Variants in GLG1 observed in about 807,000 individuals in gnomAD.
GLG1 encodes Golgi apparatus protein 1.
In GLG1, 38 loss-of-function variants were observed where a neutral mutation model predicts 160.5. That is an observed-to-expected ratio of 0.24 (90% confidence interval 0.18 to 0.31). The LOEUF (loss-of-function observed/expected upper bound fraction) is 0.31. Among genes scored for constraint, GLG1 ranks in the 10% least tolerant of loss-of-function variants. The probability of loss-of-function intolerance (pLI) is 1.00; values close to 1 mark genes in which losing one functional copy is unlikely to be tolerated. For synonymous variants in GLG1, 644 were observed against 543.4 expected, an observed-to-expected ratio of 1.19 and a Z score of -2.57; for missense variants, 1,373 against 1,505.2, an observed-to-expected ratio of 0.91 and a Z score of 1.45.
Position 74,519,295 on chromosome 16 carries a change from T to C in GLG1, c.472-10370A>G, listed in dbSNP as rs997240302. 4.9e-5 allele frequency among the ~76,000 whole-genome samples: 6 copies of C among 123,074 alleles called. No individual in the cohort carries two copies. The Admixed American group carries it at 6.1e-4, about 13-fold the overall frequency. 80.7% of individuals were successfully genotyped at this position (123,074 alleles called of 152,430 possible). Reference sequence around the variant, plus strand: ...GTGGTAGTTGAACAATGACAACACATGGTCACAGGGAGGGGAACATCACAC... The same window carrying C: ...GTGGTAGTTGAACAATGACAACACACGGTCACAGGGAGGGGAACATCACAC... On this transcript the variant is annotated intron_variant, in intron 2 of 25. Coordinates refer to ENST00000422840, the MANE Select transcript of GLG1 (RefSeq NM_001145667.2).
At chr16:74,454,842 C>T (rs2014471182) in intron 25 of GLG1, among the ~76,000 whole-genome samples, 1 of 151,208 alleles carries the variant, frequency 6.6e-6, no homozygotes, top group Non-Finnish European at 1.5e-5. Context: ...TGTATTTTGA[C>T]TTTTTTCATT....
intron 9 of GLG1, among the ~76,000 whole-genome samples, chr16:74,485,421 A>C (rs550302136): frequency 6.6e-6 from 1 of 152,346 alleles, no homozygotes; most frequent in South Asian, 2.1e-4. Context: ...GTATACAATG[A>C]GTCAATATAC....
At chr16:74,488,202 G>A (rs550702836) in intron 8 of GLG1, among the ~76,000 whole-genome samples, 14 of 151,970 alleles carry the variant, frequency 9.2e-5, no homozygotes, top group Non-Finnish European at 7.4e-5. Context: ...GTCAACCACA[G>A]ACAGGTATGG....
chr16:74,557,094 C>A (rs952355553), intron 1 of GLG1, among the ~76,000 whole-genome samples: 3 of 152,086 alleles, frequency 2.0e-5, no homozygotes, highest in Non-Finnish European at 4.4e-5. Context: ...TTCAACAGCA[C>A]CCCTAATTGG....
chr16:74,467,893 G>A (rs773302145), intron 17 of GLG1, 45 bp from the exon 18 acceptor site: 2 of 1,277,812 alleles, frequency 1.6e-6, no homozygotes, highest in Non-Finnish European at 1.1e-6. Flanking sequence ...GGTTTAGGCT[G>A]GAGATGTCAT....
chr16:74,600,227 G>T (rs536912470), intron 1 of GLG1, among the ~76,000 whole-genome samples: 1 of 151,854 alleles, frequency 6.6e-6, no homozygotes, highest in Non-Finnish European at 1.5e-5. Flanking sequence ...ATGAGTTCAC[G>T]TATATTTCCG....
chr16:74,468,843 TC>T, intron 17 of GLG1, 102 bp downstream of exon 17: 1 of 742,690 alleles, frequency 1.3e-6, no homozygotes, highest in South Asian at 1.5e-5. Flanking sequence ...GTCTTAACCA[TC>T]ACAGTAGTGG....
intron 12 of GLG1, among the ~76,000 whole-genome samples, chr16:74,477,174 A>G (rs1194121614): frequency 6.6e-6 from 1 of 152,176 alleles, no homozygotes; most frequent in Non-Finnish European, 1.5e-5. Flanking sequence ...ACAAAATACA[A>G]TAACTATAAT....
chr16:74,509,962 C>G (rs576953003), intron 2 of GLG1, among the ~76,000 whole-genome samples: 2 of 151,972 alleles, frequency 1.3e-5, no homozygotes, highest in East Asian at 1.9e-4. Flanking sequence ...GCTGGGATTA[C>G]AAGTGCGAGC....
intron 1 of GLG1, among the ~76,000 whole-genome samples, chr16:74,589,277 T>C (rs539680881): frequency 6.6e-6 from 1 of 151,288 alleles, no homozygotes; most frequent in African/African-American, 2.4e-5. Flanking sequence ...AAAGAACAAT[T>C]ATGTTAAACC....
At chr16:74,496,183 G>A (rs886480166) in intron 5 of GLG1, among the ~76,000 whole-genome samples, 2 of 151,892 alleles carry the variant, frequency 1.3e-5, no homozygotes, top group African/African-American at 2.4e-5. Flanking sequence ...CAGAAGAATC[G>A]CTTGAACCCA....
intron 1 of GLG1, among the ~76,000 whole-genome samples, chr16:74,595,249 T>G (rs957619967): frequency 1.3e-5 from 2 of 150,952 alleles, no homozygotes; most frequent in African/African-American, 4.9e-5. Context: ...TTAAAAGTAC[T>G]GAAGGGCTCT....
intron 11 of GLG1, among the ~76,000 whole-genome samples, chr16:74,478,423 G>A (rs970491527): frequency 2.0e-5 from 3 of 152,056 alleles, no homozygotes; most frequent in African/African-American, 7.2e-5. Flanking sequence ...TGACAAAGCT[G>A]TTATTGACAG....
intron 9 of GLG1, 46 bp downstream of exon 9, chr16:74,485,750 C>A: frequency 6.4e-7 from 1 of 1,564,352 alleles, no homozygotes; most frequent in South Asian, 1.2e-5. Context: ...CCTGTGCTGC[C>A]AAATGAAATA....
At chr16:74,536,407 A>G (rs2017689173) in intron 1 of GLG1, among the ~76,000 whole-genome samples, 1 of 152,204 alleles carries the variant, frequency 6.6e-6, no homozygotes, top group South Asian at 2.1e-4. Flanking sequence ...CAACAAGTAT[A>G]TATTGAATAA....
At chr16:74,567,121 G>A (rs1208127588) in intron 1 of GLG1, among the ~76,000 whole-genome samples, 5 of 151,586 alleles carry the variant, frequency 3.3e-5, no homozygotes, top group Admixed American at 2.6e-4. Flanking sequence ...ATTTTCTATA[G>A]GAGAAAATCT....
intron 12 of GLG1, among the ~76,000 whole-genome samples, chr16:74,475,207 C>G (rs1157036686): frequency 6.2e-5 from 9 of 146,282 alleles, no homozygotes; most frequent in African/African-American, 2.3e-4. Flanking sequence ...CTCAGAAGAC[C>G]AAATCTACAA....
chr16:74,462,786 C>A, intron 20 of GLG1, 156 bp from the exon 21 acceptor site: 1 of 691,372 alleles, frequency 1.4e-6, no homozygotes, highest in Admixed American at 2.7e-5. Flanking sequence ...TCTCACTACA[C>A]TGTTTTTAAT....
At chr16:74,534,793 A>G (rs1435646337) in intron 1 of GLG1, among the ~76,000 whole-genome samples, 3 of 152,188 alleles carry the variant, frequency 2.0e-5, no homozygotes, top group Non-Finnish European at 4.4e-5. Flanking sequence ...AAAAGAGATG[A>G]AAAGCAAGCA....
Sources: allele counts gnomAD v4.1 joint callset (sites outside exome capture counted in the v4.1 genomes callset), GRCh38; gene constraint gnomAD v4.1.1; transcripts MANE v1.5; gene names NCBI Gene and HGNC (gene_info 2026-07-23, HGNC 2026-07-21).